Variants in AKAP19 observed in about 807,000 individuals in gnomAD.
The protein encoded by AKAP19 is small A-kinase anchoring protein.
At chr2:189,974,093 T>C in the AKAP19 span, among the ~76,000 whole-genome samples, 1 of 152,212 alleles carries the variant, frequency 6.6e-6, no homozygotes, top group African/African-American at 2.4e-5. Flanking sequence ...TTTAGATCTT[T>C]CCTGCTTTCT....
the AKAP19 span, among the ~76,000 whole-genome samples, chr2:190,038,229 A>T: frequency 6.6e-6 from 1 of 152,158 alleles, no homozygotes; most frequent in South Asian, 2.1e-4. Flanking sequence ...GTTGATGACC[A>T]TGCTATTGCC....
chr2:189,944,554 T>C, the AKAP19 span, among the ~76,000 whole-genome samples: 1 of 152,124 alleles, frequency 6.6e-6, no homozygotes, highest in Non-Finnish European at 1.5e-5. Context: ...CAAGAGGATA[T>C]AATAATATAT....
chr2:190,187,481 C>A, the AKAP19 span, among the ~76,000 whole-genome samples: 1 of 147,472 alleles, frequency 6.8e-6, no homozygotes, highest in Non-Finnish European at 1.5e-5. Context: ...TTTTGTGATA[C>A]CTTCCACTGG....
At chr2:189,910,118 T>C in the AKAP19 span, among the ~76,000 whole-genome samples, 2 of 151,642 alleles carry the variant, frequency 1.3e-5, no homozygotes, top group South Asian at 2.1e-4. Flanking sequence ...CATTTACCTT[T>C]GTATTATGAA....
At chr2:190,028,792 G>A in the AKAP19 span, among the ~76,000 whole-genome samples, 1 of 152,052 alleles carries the variant, frequency 6.6e-6, no homozygotes, top group Non-Finnish European at 1.5e-5. Context: ...AAATAATATA[G>A]ATGGAAAAAA....
chr2:190,176,509 G>A, the AKAP19 span, among the ~76,000 whole-genome samples: 7 of 152,074 alleles, frequency 4.6e-5, no homozygotes, highest in Non-Finnish European at 8.8e-5. The surrounding 1 kb of genome is among the most constrained non-coding windows in gnomAD (Gnocchi z 4.7). Context: ...CACCACACCC[G>A]GCTAATTTTT....
chr2:190,158,852 G>T, the AKAP19 span, among the ~76,000 whole-genome samples: 1 of 152,200 alleles, frequency 6.6e-6, no homozygotes, highest in East Asian at 1.9e-4. Flanking sequence ...GTTGGGAGTG[G>T]GCAGGAGAAT....
chr2:189,919,198 C>T, the AKAP19 span, among the ~76,000 whole-genome samples: 1 of 151,994 alleles, frequency 6.6e-6, no homozygotes, highest in Non-Finnish European at 1.5e-5. Flanking sequence ...ATAGGCAAAC[C>T]CATAAAGACA....
At chr2:189,946,398 C>T in the AKAP19 span, among the ~76,000 whole-genome samples, 1 of 152,054 alleles carries the variant, frequency 6.6e-6, no homozygotes, top group African/African-American at 2.4e-5. Context: ...TTACTTGAGG[C>T]CAGAAGTTCA....
the AKAP19 span, among the ~76,000 whole-genome samples, chr2:190,000,102 T>C: frequency 2.0e-5 from 3 of 152,214 alleles, no homozygotes; most frequent in African/African-American, 7.2e-5. Context: ...GGCCATCCCT[T>C]TTGATATCTC....
chr2:190,187,042 G>A, the AKAP19 span, among the ~76,000 whole-genome samples: 1 of 152,070 alleles, frequency 6.6e-6, no homozygotes, highest in Non-Finnish European at 1.5e-5. Flanking sequence ...ATTTCACCAT[G>A]TTGGCCAGGC....
the AKAP19 span, chr2:190,062,166 A>C: frequency 1.9e-6 from 3 of 1,591,674 alleles, no homozygotes; most frequent in Non-Finnish European, 2.6e-6. Context: ...TCTGTTTCTC[A>C]TAAACACTAG....
At chr2:189,944,812 G>A in the AKAP19 span, among the ~76,000 whole-genome samples, 1 of 152,044 alleles carries the variant, frequency 6.6e-6, no homozygotes, top group Non-Finnish European at 1.5e-5. Flanking sequence ...ATCAACACAT[G>A]GAAAATTCTC....
the AKAP19 span, among the ~76,000 whole-genome samples, chr2:189,884,672 A>G: frequency 6.2e-4 from 94 of 152,346 alleles, 1 homozygote; most frequent in African/African-American, 2.2e-3. Flanking sequence ...AAAGGACAGT[A>G]CTTCATGTTT....
chr2:190,052,938 G>A, the AKAP19 span, among the ~76,000 whole-genome samples: 1 of 152,074 alleles, frequency 6.6e-6, no homozygotes, highest in African/African-American at 2.4e-5. Context: ...TGCCTATAGT[G>A]CATATATAGA....
the AKAP19 span, among the ~76,000 whole-genome samples, chr2:190,144,432 A>G: frequency 1.3e-5 from 2 of 152,114 alleles, no homozygotes; most frequent in African/African-American, 2.4e-5. Context: ...CTAAGAAAAT[A>G]TTCTATTTTA....
the AKAP19 span, among the ~76,000 whole-genome samples, chr2:190,187,624 C>T: frequency 3.9e-5 from 6 of 152,150 alleles, no homozygotes; most frequent in East Asian, 1.2e-3. Flanking sequence ...CTTTGAGAGG[C>T]CAAGGCAGAA....
At chr2:190,069,175 T>TGTGTGTGAGAGAGAGAGA in the AKAP19 span, among the ~76,000 whole-genome samples, 1 of 123,506 alleles carries the variant, frequency 8.1e-6, no homozygotes, top group Non-Finnish European at 1.6e-5. Flanking sequence ...TGTGTGTGTG[T>TGTGTGTGAGAGAGAGAGA]GAGAGAGAGA....
chr2:190,014,413 A>G, the AKAP19 span, among the ~76,000 whole-genome samples: 3 of 152,190 alleles, frequency 2.0e-5, no homozygotes, highest in African/African-American at 7.2e-5. Context: ...AGATCTCATG[A>G]AAATTCACTC....
Sources: allele counts gnomAD v4.1 joint callset (sites outside exome capture counted in the v4.1 genomes callset), GRCh38; gene constraint gnomAD v4.1.1; non-coding constraint Gnocchi (gnomAD v3.1); transcripts MANE v1.5; gene names NCBI Gene and HGNC (gene_info 2026-07-23, HGNC 2026-07-21).